The following ACTG2 variants were observed in gnomAD, a reference collection of about 807,000 sequenced individuals.
The protein encoded by ACTG2 is actin, gamma-enteric smooth muscle.
In ACTG2, 16 loss-of-function variants were observed where a neutral mutation model predicts 37.6. That is an observed-to-expected ratio of 0.43 (90% CI 0.29 to 0.65). The LOEUF (loss-of-function observed/expected upper bound fraction) is 0.65. Among genes scored for constraint, ACTG2 ranks in the 30% least tolerant of loss-of-function variants. The probability of loss-of-function intolerance (pLI) is 0.18; values close to 1 mark genes in which losing one functional copy is unlikely to be tolerated. For missense variants in ACTG2, 238 were observed against 490.9 expected (o/e 0.48, Z 4.87); for synonymous variants, 181 against 179.9 (o/e 1.01, Z -0.05).
intron 1 of ACTG2, among the ~76,000 whole-genome samples, chr2:73,899,104 C>T (rs996618314): frequency 3.3e-5 from 5 of 152,110 alleles, no homozygotes; most frequent in African/African-American, 9.7e-5. Context: ...GCCACCGCGC[C>T]CGGCCACAAG....
chr2:73,913,372 C>G (rs1680184619), intron 5 of ACTG2, 113 bp from the exon 6 acceptor site: 1 of 1,028,714 alleles, frequency 9.7e-7, no homozygotes, highest in East Asian at 2.8e-5. Flanking sequence ...GGTGAATATT[C>G]TTAACTGGTA....
At chr2:73,901,501 A>AC in intron 2 of ACTG2, 64 bp downstream of exon 2, 1 of 1,451,104 alleles carries the variant, frequency 6.9e-7, no homozygotes, top group Non-Finnish European at 9.2e-7. Context: ...CACTGTGGAG[A>AC]CCCTGCTGAG....
chr2:73,905,478 C>T (rs983135321), intron 3 of ACTG2, among the ~76,000 whole-genome samples: 1 of 151,784 alleles, frequency 6.6e-6, no homozygotes, highest in Non-Finnish European at 1.5e-5. Flanking sequence ...GTCCCCCAGA[C>T]AAATAAAAAA....
intron 1 of ACTG2, among the ~76,000 whole-genome samples, chr2:73,898,470 C>G (rs1017127774): frequency 1.1e-4 from 16 of 150,494 alleles, no homozygotes; most frequent in African/African-American, 3.7e-4. Flanking sequence ...TGAGATTGTT[C>G]CTAATTTTGA....
intron 4 of ACTG2, 35 bp downstream of exon 4, chr2:73,908,818 G>A: frequency 6.5e-7 from 1 of 1,531,854 alleles, no homozygotes; most frequent in Non-Finnish European, 9.0e-7. Context: ...ACTGGCATAA[G>A]AATGCAACAT....
chr2:73,910,985 A>G (rs949917034), intron 5 of ACTG2, among the ~76,000 whole-genome samples: 1 of 151,864 alleles, frequency 6.6e-6, no homozygotes, highest in African/African-American at 2.4e-5. Context: ...GCCTCGGCCT[A>G]CACAGGTTCA....
intron 5 of ACTG2, 28 bp downstream of exon 5, chr2:73,909,167 T>C: frequency 6.3e-7 from 1 of 1,591,010 alleles, no homozygotes. Flanking sequence ...CCATTCCTTT[T>C]CTGACTTCAG....
rs1680335273 is a variant in ACTG2, at chr2:73,919,494, C to T, written c.1050C>T (p.Leu350=). The T allele has an allele frequency of 1.9e-6, 3 of 1,614,210 alleles. No homozygotes were observed. Among genetic ancestry groups the T allele is most frequent in the Non-Finnish European group, 8.5e-7 (1 of 1,180,036 alleles). Residue 350 remains leucine (L), a synonymous_variant, in exon 9 of 9, where the codon CTC becomes CTT. Transcript: ENST00000345517. ...VWIGGSILAS[L]STFQQMWISK... is the part of the protein sequence containing the mutation. ...TCGGGGGCTCTATCCTGGCCTCTCT[C>T]TCCACCTTCCAGCAGATGTGGATCA...
At chr2:73,906,483 A>C (rs113947590) in intron 3 of ACTG2, among the ~76,000 whole-genome samples, 33 of 150,108 alleles carry the variant, frequency 2.2e-4, no homozygotes, top group Middle Eastern at 3.4e-3. Flanking sequence ...TAAATAAATA[A>C]ATACATAAAA....
At position 73,908,313 on chromosome 2, in the gene ACTG2, G is replaced by A. The variant is rs149716725; in HGVS notation, c.256-360G>A. The stretch of plus-strand genomic sequence containing the variant: ...AGCCTCTTGCAGGAATCTTCTATCA[G>A]CCAAATATAGCCAGAAGCCAGAAAG... On this transcript the variant is annotated intron_variant, in intron 3 of 8. Coordinates refer to ENST00000345517, the MANE Select transcript of ACTG2 (RefSeq NM_001615.4). 1.6e-3 allele frequency: 751 copies of A among 474,736 alleles called. 4 individuals are homozygous for A. The highest frequency in any genetic ancestry group is 5.8e-3 in the South Asian group (374 of 64,584). 29.4% of individuals were successfully genotyped at this position (474,736 alleles called of 1,614,324 possible). A position where few individuals can be genotyped will look rare whatever the true frequency, so the allele number is the denominator to read the frequency against.
intron 3 of ACTG2, 37 bp from the exon 4 acceptor site, chr2:73,908,636 G>T (rs761158407): frequency 6.6e-7 from 1 of 1,520,916 alleles, no homozygotes; most frequent in Non-Finnish European, 9.0e-7. Context: ...CAGCCATTGG[G>T]AGTCTGCCAG....
chr2:73,913,170 CAAA>C (rs58764001), intron 5 of ACTG2, among the ~76,000 whole-genome samples: 1 of 102,500 alleles, frequency 9.8e-6, no homozygotes, highest in Non-Finnish European at 1.9e-5. Flanking sequence ...ACTCTGTCTC[CAAA>C]AAAAAAAAAA....
intron 5 of ACTG2, among the ~76,000 whole-genome samples, chr2:73,910,741 A>G (rs906289517): frequency 2.0e-5 from 3 of 151,520 alleles, no homozygotes; most frequent in Non-Finnish European, 4.4e-5. Context: ...AGGGCTGACC[A>G]TTCTCCTCTC....
At chr2:73,908,632 T>A (rs372716506) in intron 3 of ACTG2, 41 bp from the exon 4 acceptor site, 3 of 1,508,068 alleles carry the variant, frequency 2.0e-6, no homozygotes, top group Non-Finnish European at 2.7e-6. Context: ...TTTCCAGCCA[T>A]TGGGAGTCTG....
intron 1 of ACTG2, among the ~76,000 whole-genome samples, chr2:73,894,400 A>G (rs1679696530): frequency 6.6e-6 from 1 of 152,176 alleles, no homozygotes; most frequent in South Asian, 2.1e-4. Context: ...TGCAATGAAC[A>G]GTAAGATCCT....
chr2:73,910,210 G>A (rs563237673), intron 5 of ACTG2, among the ~76,000 whole-genome samples: 66 of 116,014 alleles, frequency 5.7e-4, no homozygotes, highest in Non-Finnish European at 9.5e-4. Context: ...GCGAGACTCC[G>A]TCTCAAAAAA....
intron 1 of ACTG2, among the ~76,000 whole-genome samples, chr2:73,896,048 T>G (rs1171101055): frequency 1.3e-5 from 2 of 152,140 alleles, no homozygotes; most frequent in Non-Finnish European, 2.9e-5. Flanking sequence ...CGTTTGAAAA[T>G]GTAGGGCCGG....
intron 5 of ACTG2, among the ~76,000 whole-genome samples, chr2:73,912,646 C>T (rs1329893497): frequency 6.6e-6 from 1 of 152,196 alleles, no homozygotes; most frequent in Non-Finnish European, 1.5e-5. Context: ...ATTTATTTTG[C>T]ATCTGGCCCT....
chr2:73,903,460 G>A (rs1243136612), intron 3 of ACTG2, among the ~76,000 whole-genome samples: 1 of 152,164 alleles, frequency 6.6e-6, no homozygotes, highest in Non-Finnish European at 1.5e-5. Context: ...AGGAAATCCA[G>A]GTGCAAATCC....
Sources: gnomAD v4.1 joint callset for allele counts (sites outside exome capture counted in the v4.1 genomes callset) on GRCh38, gnomAD v4.1.1 for gene constraint, MANE v1.5 for transcripts, NCBI Gene and HGNC (gene_info 2026-07-23, HGNC 2026-07-21) for gene names.